Variants in ADAM12 observed in about 807,000 individuals in gnomAD.
ADAM12 encodes the protein disintegrin and metalloproteinase domain-containing protein 12.
Under a neutral mutation model 106.4 loss-of-function variants are expected in ADAM12, and 70 were observed. The observed-to-expected ratio is 0.66, with a 90% CI of 0.54 to 0.80. The LOEUF is 0.80. Ranked by LOEUF, ADAM12 falls within the 30% of genes least tolerant of loss-of-function variation. The pLI is 0.00. For synonymous variants in ADAM12, 420 were observed against 433.5 expected, an observed-to-expected ratio of 0.97 and a Z score of 0.39; for missense variants, 1,010 against 1,171.9, an observed-to-expected ratio of 0.86 and a Z score of 2.02.
rs965457391 is a variant in ADAM12 at position 126,107,971 on chromosome 10, G to A, written c.741+622C>T. On this transcript the variant is annotated intron_variant, in intron 8 of 22. Coordinates refer to ENST00000448723, the MANE Select transcript of ADAM12 (RefSeq NM_001288973.2). Reference sequence around the variant, plus strand: ...TTTGCCGGCCCGCAGTGTGAGGAGCGGTTAGTGAACAAGTACCCCAGGAGT... The same window carrying A: ...TTTGCCGGCCCGCAGTGTGAGGAGCAGTTAGTGAACAAGTACCCCAGGAGT... 5.3e-5 allele frequency among the ~76,000 whole-genome samples: 8 copies of A among 152,288 alleles called. No homozygotes were observed. The South Asian group carries it at 1.0e-3, about 20-fold the overall frequency.
At position 126,219,826 on chromosome 10, in the gene ADAM12, TA is replaced by T. The variant is rs1268426051; in HGVS notation, c.260+59088del. Among the ~76,000 whole-genome samples the T allele has an allele frequency of 4.6e-5, 7 of 152,032 alleles. No individual in the cohort carries two copies. In the South Asian group the frequency reaches 6.2e-4, roughly 14 times the overall value. On this transcript the variant is annotated intron_variant, in intron 3 of 22. Coordinates refer to ENST00000448723, the MANE Select transcript of ADAM12 (RefSeq NM_001288973.2). The stretch of plus-strand genomic sequence containing the variant: ...TTATTATCAGACAATTCTGGGCAAG[TA>T]AAAAAAATTATTGTCAGTTTGTAGG...
At chr10:126,373,667 T>C (rs4130179) in intron 1 of ADAM12, among the ~76,000 whole-genome samples, 23,676 of 152,258 alleles carry the variant, frequency 0.16, 2,206 homozygotes, top group Middle Eastern at 0.28. Context: ...AGAATCATTA[T>C]CAGAGATGTC....
At chr10:126,178,159 A>G (rs1957251844) in intron 3 of ADAM12, among the ~76,000 whole-genome samples, 1 of 152,138 alleles carries the variant, frequency 6.6e-6, no homozygotes, top group African/African-American at 2.4e-5. Flanking sequence ...ACTCCCTTCT[A>G]TATAAATGGG....
At chr10:126,144,999 G>A (rs1956599210) in intron 4 of ADAM12, among the ~76,000 whole-genome samples, 1 of 152,178 alleles carries the variant, frequency 6.6e-6, no homozygotes, top group African/African-American at 2.4e-5. Flanking sequence ...CTTACAGCCT[G>A]CCCTTTCCTG....
chr10:126,069,853 G>A (rs983526983), intron 12 of ADAM12, among the ~76,000 whole-genome samples: 1 of 152,154 alleles, frequency 6.6e-6, no homozygotes, highest in Non-Finnish European at 1.5e-5. Context: ...GGAGGTGGTG[G>A]TGGCGATTGT....
chr10:126,108,738 A>T (rs1278003064), intron 7 of ADAM12, 74 bp from the exon 8 acceptor site: 1 of 1,385,854 alleles, frequency 7.2e-7, no homozygotes. Context: ...GCTTCTGGAA[A>T]TGTGAAGTCT....
intron 2 of ADAM12, among the ~76,000 whole-genome samples, chr10:126,290,978 A>G (rs566097560): frequency 3.3e-5 from 5 of 152,228 alleles, no homozygotes; most frequent in African/African-American, 4.8e-5. Flanking sequence ...TACTGATATA[A>G]CCAGGGACAT....
intron 5 of ADAM12, among the ~76,000 whole-genome samples, chr10:126,131,979 GT>G (rs200265672): frequency 0.34 from 48,631 of 141,788 alleles, 8,397 homozygotes; most frequent in Middle Eastern, 0.49. Context: ...TTGAATTCGT[GT>G]TTTTTTTTTT....
chr10:126,114,872 T>C (rs1955951403), intron 6 of ADAM12, among the ~76,000 whole-genome samples: 1 of 152,196 alleles, frequency 6.6e-6, no homozygotes. Flanking sequence ...TCAGTATGCC[T>C]GTCATATTTA....
intron 1 of ADAM12, among the ~76,000 whole-genome samples, chr10:126,357,333 A>C (rs1855576249): frequency 6.6e-6 from 1 of 152,196 alleles, no homozygotes; most frequent in Admixed American, 6.5e-5. Flanking sequence ...GAGGGGGAAA[A>C]AAAAACTCCT....
At chr10:126,168,997 G>C (rs944159848) in intron 3 of ADAM12, among the ~76,000 whole-genome samples, 1 of 152,136 alleles carries the variant, frequency 6.6e-6, no homozygotes, top group Non-Finnish European at 1.5e-5. Context: ...AGATTGTAGT[G>C]AGCCGAGATC....
intron 1 of ADAM12, among the ~76,000 whole-genome samples, chr10:126,382,730 A>G (rs1012056359): frequency 1.1e-4 from 16 of 152,232 alleles, no homozygotes; most frequent in African/African-American, 3.4e-4. Flanking sequence ...AGAAAGTCAG[A>G]CAGATATTAA....
intron 8 of ADAM12, among the ~76,000 whole-genome samples, chr10:126,107,767 C>T (rs1214814450): frequency 6.6e-6 from 1 of 152,172 alleles, no homozygotes; most frequent in East Asian, 1.9e-4. Flanking sequence ...AACCTCCCCC[C>T]CGCCCTGCCC....
intron 3 of ADAM12, among the ~76,000 whole-genome samples, chr10:126,251,927 A>AAAT (rs1417999004): frequency 2.6e-5 from 1 of 38,272 alleles, no homozygotes; most frequent in African/African-American, 7.2e-5. Flanking sequence ...TGGGATGGAT[A>AAAT]GGATGGATGG....
chr10:126,168,771 C>T (rs1458684551), intron 3 of ADAM12, among the ~76,000 whole-genome samples: 10 of 151,356 alleles, frequency 6.6e-5, no homozygotes, highest in African/African-American at 1.2e-4. Context: ...CCTTAGCGCA[C>T]GGCCAGGCGC....
chr10:126,114,633 C>G (rs2133612681), intron 6 of ADAM12, among the ~76,000 whole-genome samples: 1 of 152,318 alleles, frequency 6.6e-6, no homozygotes, highest in Admixed American at 6.5e-5. Flanking sequence ...GTGCCTGCCA[C>G]TACGCCCTGC....
chr10:126,230,286 G>A (rs1395946012), intron 3 of ADAM12, among the ~76,000 whole-genome samples: 1 of 152,020 alleles, frequency 6.6e-6, no homozygotes, highest in Admixed American at 6.6e-5. Context: ...TATATTTCCT[G>A]CAGCTAACAC....
chr10:126,156,662 G>A (rs973139154), intron 3 of ADAM12, among the ~76,000 whole-genome samples: 1 of 152,214 alleles, frequency 6.6e-6, no homozygotes, highest in Non-Finnish European at 1.5e-5. Flanking sequence ...AACACTTCTG[G>A]GTGCGTGGAT....
intron 2 of ADAM12, among the ~76,000 whole-genome samples, chr10:126,289,683 T>G (rs973341906): frequency 6.6e-6 from 1 of 152,226 alleles, no homozygotes; most frequent in Non-Finnish European, 1.5e-5. Context: ...GGAACAATAA[T>G]TTTAAGCAAC....
Sources: allele counts gnomAD v4.1 joint callset (sites outside exome capture counted in the v4.1 genomes callset), GRCh38; gene constraint gnomAD v4.1.1; transcripts MANE v1.5; gene names NCBI Gene and HGNC (gene_info 2026-07-23, HGNC 2026-07-21).